Variants in BMP6 observed in about 807,000 individuals in gnomAD.
BMP6 encodes VG-1-R.
A neutral mutation model predicts 54.1 loss-of-function variants in BMP6; 17 were observed. The observed-to-expected ratio is 0.31, with a 90% CI of 0.22 to 0.47. The LOEUF is 0.47. Among genes scored for constraint, BMP6 ranks in the 20% least tolerant of loss-of-function variants. The pLI is 1.00. For synonymous variants in BMP6, 328 were observed against 291.2 expected (o/e 1.13, Z -1.28); for missense variants, 720 against 690.4 (o/e 1.04, Z -0.48).
intron 1 of BMP6, among the ~76,000 whole-genome samples, chr6:7,767,811 T>C (rs1757714451): frequency 6.6e-6 from 1 of 152,176 alleles, no homozygotes; most frequent in East Asian, 1.9e-4. Context: ...CTTGTAATTT[T>C]TGTTGAGAGC....
intron 1 of BMP6, among the ~76,000 whole-genome samples, chr6:7,740,811 C>G (rs1762031214): frequency 1.3e-5 from 2 of 152,312 alleles, no homozygotes; most frequent in South Asian, 2.1e-4. Flanking sequence ...CTCCCATCTT[C>G]CCATCATCTT....
chr6:7,827,249 G>T (rs995453630), intron 1 of BMP6, among the ~76,000 whole-genome samples: 1 of 152,174 alleles, frequency 6.6e-6, no homozygotes, highest in African/African-American at 2.4e-5. Flanking sequence ...GACCTGCTGC[G>T]CTTCAGGGGA....
chr6:7,752,049 T>C (rs1047273873), intron 1 of BMP6, among the ~76,000 whole-genome samples: 7 of 152,214 alleles, frequency 4.6e-5, no homozygotes, highest in African/African-American at 1.4e-4. Flanking sequence ...GATAGCTTTC[T>C]ACTCAGTGGA....
At chr6:7,866,017 C>T (rs1359420490) in intron 4 of BMP6, among the ~76,000 whole-genome samples, 1 of 152,146 alleles carries the variant, frequency 6.6e-6, no homozygotes, top group South Asian at 2.1e-4. Flanking sequence ...AGGCCAGGAG[C>T]CCCACCACCC....
intron 1 of BMP6, among the ~76,000 whole-genome samples, chr6:7,732,423 T>C (rs1761878969): frequency 6.6e-6 from 1 of 151,666 alleles, no homozygotes; most frequent in Non-Finnish European, 1.5e-5. Flanking sequence ...TGGGTGTCCT[T>C]CTAAGAATGG....
chr6:7,841,254 C>T (rs1758964474), intron 1 of BMP6, among the ~76,000 whole-genome samples: 1 of 152,210 alleles, frequency 6.6e-6, no homozygotes, highest in South Asian at 2.1e-4. Flanking sequence ...TTAACTACGA[C>T]TTAATTGTGA....
chr6:7,862,583 G>A (rs1358370845), intron 4 of BMP6, 85 bp downstream of exon 4: 1 of 1,534,076 alleles, frequency 6.5e-7, no homozygotes, highest in African/African-American at 1.4e-5. Flanking sequence ...TCAGATGTCG[G>A]GCAGCTTCTG....
intron 4 of BMP6, among the ~76,000 whole-genome samples, chr6:7,872,310 G>T (rs1169329755): frequency 7.1e-6 from 1 of 141,590 alleles, no homozygotes; most frequent in African/African-American, 2.6e-5. Flanking sequence ...AAAAAAAAAA[G>T]TGTGTCAGTA....
intron 1 of BMP6, among the ~76,000 whole-genome samples, chr6:7,802,465 C>G (rs1013845739): frequency 9.2e-5 from 14 of 151,780 alleles, no homozygotes; most frequent in African/African-American, 3.4e-4. Context: ...TGAACTGTTT[C>G]CCAGACGTTG....
rs766234867 is a variant in BMP6 at position 7,727,342 on chromosome 6, G to T, written c.387G>T (p.Leu129=). 1.2e-6 allele frequency: 2 copies of T among 1,609,772 alleles called. No individual in the cohort carries two copies. The highest frequency in any genetic ancestry group is 1.7e-6 in the Non-Finnish European group (2 of 1,178,846). Residue 129 remains leucine (L), a synonymous_variant, in exon 1 of 7, where the codon CTG becomes CTT. Transcript: ENST00000283147. ...GCGGAGAGCCCCCTCCCGGGCGACT[G>T]AAGTCCGCGCCCCTCTTCATGCTGG... is the stretch of plus-strand genomic sequence containing the variant. ...LPRGEPPPGR[L]KSAPLFMLDL... is the part of the protein sequence containing the mutation.
chr6:7,728,769 G>T (rs1250118904), intron 1 of BMP6, among the ~76,000 whole-genome samples: 1 of 152,164 alleles, frequency 6.6e-6, no homozygotes, highest in African/African-American at 2.4e-5. Context: ...TTGTGCCCAG[G>T]CCCTGAAGTG....
intron 1 of BMP6, among the ~76,000 whole-genome samples, chr6:7,748,698 G>A (rs921821985): frequency 6.6e-6 from 1 of 152,174 alleles, no homozygotes; most frequent in Non-Finnish European, 1.5e-5. Context: ...CCATTATTAA[G>A]CTTACCGAGG....
intron 1 of BMP6, among the ~76,000 whole-genome samples, chr6:7,803,448 C>T (rs562890550): frequency 2.6e-5 from 4 of 152,286 alleles, no homozygotes; most frequent in Non-Finnish European, 5.9e-5. Flanking sequence ...TCCCCACTGC[C>T]TTCTCGTTGG....
intron 1 of BMP6, among the ~76,000 whole-genome samples, chr6:7,740,647 G>A (rs1581228123): frequency 6.6e-6 from 1 of 152,154 alleles, no homozygotes; most frequent in African/African-American, 2.4e-5. Context: ...ACCCTGACTC[G>A]GGGGATTTGG....
At chr6:7,869,009 C>T (rs1426667446) in intron 4 of BMP6, among the ~76,000 whole-genome samples, 1 of 152,212 alleles carries the variant, frequency 6.6e-6, no homozygotes, top group Non-Finnish European at 1.5e-5. Flanking sequence ...ACTGAAGTTG[C>T]AAAGCACAGC....
chr6:7,880,352 C>G lies in BMP6; in HGVS notation c.*9C>G. On this transcript the variant is annotated 3_prime_UTR_variant, in exon 7 of 7. Coordinates refer to ENST00000283147, the MANE Select transcript of BMP6 (RefSeq NM_001718.6). ...CTTGTGGATGCCACTAACTCGAAACCAGATGCTGGGGACACACATTCTGCC... is the reference window on the plus strand; with the variant it reads ...CTTGTGGATGCCACTAACTCGAAACGAGATGCTGGGGACACACATTCTGCC... 1 of 1,613,894 alleles carries G rather than the reference C, an allele frequency of 6.2e-7. No individual in the cohort carries two copies. Among genetic ancestry groups the G allele is most frequent in the Non-Finnish European group, 8.5e-7 (1 of 1,179,846 alleles).
intron 1 of BMP6, among the ~76,000 whole-genome samples, chr6:7,822,897 T>TGTGTGTGTGTGTG (rs915176611): frequency 4.9e-5 from 6 of 121,294 alleles, no homozygotes; most frequent in African/African-American, 1.9e-4. Context: ...TTGGTGCTGG[T>TGTGTGTGTGTGTG]TGTGTGTGTG....
chr6:7,878,471 G>A (rs1282281796), intron 4 of BMP6, among the ~76,000 whole-genome samples: 1 of 152,174 alleles, frequency 6.6e-6, no homozygotes, highest in Non-Finnish European at 1.5e-5. Flanking sequence ...CCCTGGCTTA[G>A]TGTTATTGCA....
At position 7,837,516 on chromosome 6, in the gene BMP6, C is replaced by G. The variant is rs186436835; in HGVS notation, c.665-7624C>G. Among the ~76,000 whole-genome samples the G allele has an allele frequency of 3.9e-5, 6 of 152,170 alleles. No individual in the cohort carries two copies. In the East Asian group the frequency reaches 1.2e-3, roughly 29 times the overall value. ...CTGCAACCTGGATGGGGTTGGAGACCATTATTCTAAGTGAAGTGACTCAGG... is the reference window on the plus strand; with the variant it reads ...CTGCAACCTGGATGGGGTTGGAGACGATTATTCTAAGTGAAGTGACTCAGG... On this transcript the variant is annotated intron_variant, in intron 1 of 6. Coordinates refer to ENST00000283147, the MANE Select transcript of BMP6 (RefSeq NM_001718.6).
Sources: allele counts gnomAD v4.1 joint callset (sites outside exome capture counted in the v4.1 genomes callset), GRCh38; gene constraint gnomAD v4.1.1; transcripts MANE v1.5; gene names NCBI Gene and HGNC (gene_info 2026-07-23, HGNC 2026-07-21).